GULP1: variants seen among roughly 807,000 people sequenced by gnomAD.
GULP1 encodes PTB domain-containing engulfment adapter protein 1.
GULP1 carries 19 observed loss-of-function variants against 40.9 expected under a neutral mutation model. That is an observed-to-expected ratio of 0.46 (90% CI 0.32 to 0.68). The LOEUF (loss-of-function observed/expected upper bound fraction) is 0.68, where lower values mean the gene tolerates loss of function less well. Among genes scored for constraint, GULP1 ranks in the 30% least tolerant of loss-of-function variants. The pLI is 0.03. For synonymous variants in GULP1, 119 were observed against 117.6 expected, an observed-to-expected ratio of 1.01 and a Z score of -0.08; for missense variants, 312 against 362.2, an observed-to-expected ratio of 0.86 and a Z score of 1.12.
rs193089218 is a variant in GULP1, at chr2:188,437,844, T to C, written c.-44-39815T>C. Among the ~76,000 whole-genome samples, 15 of 152,264 alleles carry C rather than the reference T, an allele frequency of 9.9e-5. No individual in the cohort carries two copies. In the East Asian group the frequency reaches 2.3e-3, roughly 24 times the overall value. ...GGAACAGAAAACCAAATACCGCATA[T>C]TCTCACTTATAAGTAGAAGCAGAAT... is the stretch of plus-strand genomic sequence containing the variant. On this transcript the variant is annotated intron_variant, in intron 2 of 11. Coordinates refer to ENST00000409830, the MANE Select transcript of GULP1 (RefSeq NM_016315.4).
chr2:188,550,145 T>C (rs1233671876), intron 7 of GULP1, among the ~76,000 whole-genome samples: 1 of 151,706 alleles, frequency 6.6e-6, no homozygotes, highest in Admixed American at 6.6e-5. Context: ...TGAGTGTAAA[T>C]CTAAATTATC....
chr2:188,440,598 T>TTTGTC (rs1304145967), intron 2 of GULP1, among the ~76,000 whole-genome samples: 4 of 152,148 alleles, frequency 2.6e-5, no homozygotes, highest in African/African-American at 9.7e-5. Flanking sequence ...AGAGTCTTGC[T>TTTGTC]TTGTCACCCA....
At chr2:188,457,080 C>T (rs1010830304) in intron 2 of GULP1, among the ~76,000 whole-genome samples, 4 of 152,154 alleles carry the variant, frequency 2.6e-5, no homozygotes, top group African/African-American at 7.2e-5. Flanking sequence ...TAGGAAGTAA[C>T]TAGCTTGCTT....
chr2:188,320,444 C>T (rs2039797548), intron 1 of GULP1, among the ~76,000 whole-genome samples: 1 of 152,090 alleles, frequency 6.6e-6, no homozygotes, highest in African/African-American at 2.4e-5. Context: ...AAGTCCTCTC[C>T]AACTTGAAAG....
intron 2 of GULP1, among the ~76,000 whole-genome samples, chr2:188,469,838 T>A (rs530425342): frequency 1.3e-5 from 2 of 152,308 alleles, no homozygotes; most frequent in East Asian, 3.9e-4. Context: ...TTGATCTGTT[T>A]GTATGATGCA....
At chr2:188,512,080 A>C (rs185763149) in intron 4 of GULP1, among the ~76,000 whole-genome samples, 1 of 152,284 alleles carries the variant, frequency 6.6e-6, no homozygotes, top group Non-Finnish European at 1.5e-5. Context: ...AAGTCAGCCA[A>C]ATAAAGGCTA....
At chr2:188,574,169 G>T (rs1466039976) in intron 9 of GULP1, among the ~76,000 whole-genome samples, 1 of 151,922 alleles carries the variant, frequency 6.6e-6, no homozygotes, top group Non-Finnish European at 1.5e-5. Flanking sequence ...TGGGGAAAGG[G>T]AAAGAAAAAA....
At chr2:188,351,085 A>G (rs2152290980) in intron 1 of GULP1, among the ~76,000 whole-genome samples, 1 of 152,282 alleles carries the variant, frequency 6.6e-6, no homozygotes, top group East Asian at 1.9e-4. Flanking sequence ...TATTCTTTTA[A>G]AAAATGGTTG....
At chr2:188,310,833 A>C (rs1157890711) in intron 1 of GULP1, among the ~76,000 whole-genome samples, 1 of 152,218 alleles carries the variant, frequency 6.6e-6, no homozygotes, top group African/African-American at 2.4e-5. Context: ...GGGACTTCTT[A>C]AACCTCATAG....
intron 7 of GULP1, among the ~76,000 whole-genome samples, chr2:188,552,068 T>G (rs1217809685): frequency 2.0e-5 from 3 of 151,758 alleles, no homozygotes; most frequent in Admixed American, 6.6e-5. Context: ...TTCTGGAAGT[T>G]AGTCCTCTGT....
At chr2:188,354,960 G>T (rs1318055163) in intron 1 of GULP1, among the ~76,000 whole-genome samples, 2 of 152,028 alleles carry the variant, frequency 1.3e-5, no homozygotes, top group Non-Finnish European at 2.9e-5. Context: ...GATTAATGAG[G>T]AAATTAAGAA....
In GULP1 at chr2:188,366,860, T is replaced by C. The variant is rs1472316911; in HGVS notation, c.-171-16903T>C. 2.6e-5 allele frequency among the ~76,000 whole-genome samples: 4 copies of C among 152,224 alleles called. No homozygotes were observed. The East Asian group carries it at 7.7e-4, about 29-fold the overall frequency. ...CTCCCGACTCGGCCTCCCGAAGTGCTGGGATTACAGGCGTGAGCCACCTTG... is the reference window on the plus strand; with the variant it reads ...CTCCCGACTCGGCCTCCCGAAGTGCCGGGATTACAGGCGTGAGCCACCTTG... On this transcript the variant is annotated intron_variant, in intron 1 of 11. Coordinates refer to ENST00000409830, the MANE Select transcript of GULP1 (RefSeq NM_016315.4).
intron 1 of GULP1, among the ~76,000 whole-genome samples, chr2:188,382,505 G>A (rs1029512525): frequency 2.6e-5 from 4 of 152,016 alleles, no homozygotes; most frequent in African/African-American, 7.3e-5. Context: ...TAAACTTCTC[G>A]CATTGAAGTT....
chr2:188,582,257 TTACAAATAAATTTCAAGTA>T, intron 9 of GULP1: 1 of 406,254 alleles, frequency 2.5e-6, no homozygotes, highest in South Asian at 1.8e-5. Flanking sequence ...AAACACCATT[TTACAAATAAATTTCAAGTA>T]TACTTTCTCC....
At chr2:188,394,072 T>C (rs1559187874) in intron 2 of GULP1, among the ~76,000 whole-genome samples, 2 of 152,212 alleles carry the variant, frequency 1.3e-5, no homozygotes, top group South Asian at 4.1e-4. Context: ...TCTAAATCTC[T>C]GGCAAGGCCA....
intron 7 of GULP1, among the ~76,000 whole-genome samples, chr2:188,550,376 A>G (rs760790704): frequency 2.6e-4 from 40 of 151,806 alleles, no homozygotes; most frequent in Non-Finnish European, 5.0e-4. Flanking sequence ...TTTTTATTAT[A>G]AATTAAATAT....
chr2:188,576,742 T>C (rs147384908), intron 9 of GULP1, among the ~76,000 whole-genome samples: 1 of 152,240 alleles, frequency 6.6e-6, no homozygotes, highest in Non-Finnish European at 1.5e-5. Flanking sequence ...AATTGGATCC[T>C]TATTTTATAC....
chr2:188,559,181 G>T (rs1695595715), intron 7 of GULP1, among the ~76,000 whole-genome samples: 1 of 152,156 alleles, frequency 6.6e-6, no homozygotes, highest in South Asian at 2.1e-4. Context: ...TGGTTTTCTG[G>T]GCCTGGCCCA....
chr2:188,371,567 A>G (rs1260229241), intron 1 of GULP1, among the ~76,000 whole-genome samples: 1 of 152,166 alleles, frequency 6.6e-6, no homozygotes, highest in Non-Finnish European at 1.5e-5. Flanking sequence ...TGTATGGGAC[A>G]GAGTAGTTTT....
Sources: allele counts gnomAD v4.1 joint callset (sites outside exome capture counted in the v4.1 genomes callset), GRCh38; gene constraint gnomAD v4.1.1; transcripts MANE v1.5; gene names NCBI Gene and HGNC (gene_info 2026-07-23, HGNC 2026-07-21).